Variants in OSBPL5 observed in about 807,000 individuals in gnomAD.
OSBPL5 encodes oxysterol binding protein like 5, also known as oxysterol-binding protein-related protein 5.
A neutral mutation model predicts 111.2 loss-of-function variants in OSBPL5; 71 were observed. That is an observed-to-expected ratio of 0.64 (90% CI 0.53 to 0.78). The LOEUF (loss-of-function observed/expected upper bound fraction) is 0.78. OSBPL5 is among the 30% of genes least tolerant of loss of function. OSBPL5 has a pLI of 0.00. For synonymous variants in OSBPL5, 549 were observed against 513.9 expected (o/e 1.07, Z -0.93); for missense variants, 1,210 against 1,189.3 (o/e 1.02, Z -0.26).
intron 7 of OSBPL5, 104 bp downstream of exon 7, chr11:3,119,443 A>T: frequency 1.7e-6 from 2 of 1,159,202 alleles, no homozygotes; most frequent in Non-Finnish European, 2.4e-6. Flanking sequence ...CCCAGACAGT[A>T]GAAGGGACTG....
At chr11:3,138,711 T>C (rs1291775762) in intron 1 of OSBPL5, among the ~76,000 whole-genome samples, 2 of 152,190 alleles carry the variant, frequency 1.3e-5, no homozygotes, top group East Asian at 1.9e-4. Context: ...CTGGCCCTCC[T>C]GGTGAGGCTC....
At chr11:3,160,517 C>G (rs934308920) in intron 1 of OSBPL5, among the ~76,000 whole-genome samples, 1 of 152,054 alleles carries the variant, frequency 6.6e-6, no homozygotes, top group Non-Finnish European at 1.5e-5. Context: ...CACAGCGGCG[C>G]GCCCTTTAGT....
intron 14 of OSBPL5, among the ~76,000 whole-genome samples, chr11:3,097,607 A>G (rs1857317423): frequency 6.6e-6 from 1 of 152,236 alleles, no homozygotes; most frequent in South Asian, 2.1e-4. Context: ...ATAATTATCG[A>G]GCACCTTCAA....
intron 7 of OSBPL5, among the ~76,000 whole-genome samples, chr11:3,116,402 CT>C (rs960238781): frequency 2.0e-5 from 3 of 152,266 alleles, no homozygotes; most frequent in African/African-American, 7.2e-5. Context: ...TTATAATCAG[CT>C]GTAAAACTCT....
At chr11:3,091,379 G>A (rs1857049919) in intron 19 of OSBPL5, among the ~76,000 whole-genome samples, 1 of 152,152 alleles carries the variant, frequency 6.6e-6, no homozygotes, top group Non-Finnish European at 1.5e-5. Context: ...GGGCAGGTGG[G>A]GTCAGAGCCA....
At chr11:3,131,805 T>TCATC (rs374435732) in intron 1 of OSBPL5, among the ~76,000 whole-genome samples, 22,948 of 91,564 alleles carry the variant, frequency 0.25, 2,493 homozygotes, top group African/African-American at 0.38. Context: ...ACCCATTCAT[T>TCATC]CATCCATCCA....
chr11:3,124,380 G>A (rs1858527033), intron 3 of OSBPL5, among the ~76,000 whole-genome samples: 1 of 152,206 alleles, frequency 6.6e-6, no homozygotes, highest in East Asian at 1.9e-4. Context: ...TCTGAGTGAC[G>A]AGGCATATGC....
intron 2 of OSBPL5, among the ~76,000 whole-genome samples, chr11:3,127,679 C>A (rs1356719858): frequency 1.3e-5 from 2 of 152,216 alleles, no homozygotes; most frequent in Non-Finnish European, 2.9e-5. Flanking sequence ...AGGGGCTTGG[C>A]CTGTGGCCGC....
intron 1 of OSBPL5, among the ~76,000 whole-genome samples, chr11:3,156,534 G>A (rs1274601763): frequency 2.6e-5 from 4 of 152,004 alleles, no homozygotes; most frequent in Admixed American, 6.6e-5. Flanking sequence ...CCAGGATGGC[G>A]GCTCTGGGGA....
At chr11:3,119,010 G>T (rs866779101) in intron 7 of OSBPL5, among the ~76,000 whole-genome samples, 11 of 146,720 alleles carry the variant, frequency 7.5e-5, no homozygotes, top group Middle Eastern at 3.6e-3. Context: ...GTGACAGGTG[G>T]TTTTTTTTTT....
Position 3,107,709 on chromosome 11 carries a change from T to C in OSBPL5, c.866+62A>G. On this transcript the variant is annotated intron_variant, in intron 8 of 21. Transcript: ENST00000263650. This position sits in a 1 kb window ranked among gnomAD's most constrained non-coding sequence, Gnocchi z 6.1. Reference sequence around the variant, plus strand: ...GTGGCTGGGGCTGTCCTCTCCCCTCTTCCTCGCCTACAAGGAGACCCCGTG... The same window carrying C: ...GTGGCTGGGGCTGTCCTCTCCCCTCCTCCTCGCCTACAAGGAGACCCCGTG... The C allele has an allele frequency of 6.3e-7, 1 of 1,582,454 alleles. No individual in the cohort carries two copies. The highest frequency in any genetic ancestry group is 1.7e-5 in the Admixed American group (1 of 59,642).
intron 6 of OSBPL5, chr11:3,119,983 C>A: frequency 2.4e-6 from 1 of 415,058 alleles, no homozygotes; most frequent in South Asian, 3.1e-5. Context: ...ATTTCCCATA[C>A]ATGACTGGGG....
At chr11:3,117,296 A>G (rs917359537) in intron 7 of OSBPL5, among the ~76,000 whole-genome samples, 1 of 152,228 alleles carries the variant, frequency 6.6e-6, no homozygotes, top group Non-Finnish European at 1.5e-5. Flanking sequence ...TGTGGTAAGT[A>G]AAGAATGTCA....
Position 3,092,873 on chromosome 11 carries a change from T to C in OSBPL5, c.2126A>G (p.Tyr709Cys), listed in dbSNP as rs575700015. 15 of 1,540,960 alleles carry C rather than the reference T, an allele frequency of 9.7e-6. No individual in the cohort carries two copies. The South Asian group carries it at 1.2e-4, about 12-fold the overall frequency. Residue 709 changes from tyrosine to cysteine, a missense_variant, in exon 18 of 22, where the codon TAC (tyrosine) becomes TGC (cysteine). Tyr to Cys is a radical substitution (Grantham distance 194, BLOSUM62 -2). Transcript: ENST00000263650. The surrounding 1 kb of genome is among the most constrained non-coding windows in gnomAD (Gnocchi z 5.4). ...DPITQEWHYRYEDHSPWDPLK... is the reference protein window; with the variant it reads ...DPITQEWHYRCEDHSPWDPLK... ...GGGCTTTGTCGGCACTCACTCCTCG[T>C]ATCGGTAGTGCCACTCCTGGGTGAT...
intron 3 of OSBPL5, among the ~76,000 whole-genome samples, chr11:3,122,703 G>C (rs1050802964): frequency 1.3e-5 from 2 of 152,222 alleles, no homozygotes; most frequent in Admixed American, 6.5e-5. Flanking sequence ...GGATGGGGCA[G>C]GGTGGTCAGG....
chr11:3,154,576 T>C lies in OSBPL5; in HGVS notation c.-22+10640A>G, dbSNP rs1236063046. On this transcript the variant is annotated intron_variant, in intron 1 of 21. Coordinates refer to ENST00000263650, the MANE Select transcript of OSBPL5 (RefSeq NM_020896.4). The surrounding 1 kb of genome is among the most constrained non-coding windows in gnomAD (Gnocchi z 4.9). ...CACTCATGGGTGCGGAAGGCTCTGA[T>C]CACATCAAAATCTTACTCCGGGCAA... is the stretch of plus-strand genomic sequence containing the variant. Among the ~76,000 whole-genome samples, 1 of 152,144 alleles carries C rather than the reference T, an allele frequency of 6.6e-6. No homozygotes were observed. The highest frequency in any genetic ancestry group is 1.5e-5 in the Non-Finnish European group (1 of 68,032).
At chr11:3,127,354 C>T (rs903589433) in intron 2 of OSBPL5, among the ~76,000 whole-genome samples, 1 of 152,232 alleles carries the variant, frequency 6.6e-6, no homozygotes, top group Non-Finnish European at 1.5e-5. Flanking sequence ...AGGCTGGGTG[C>T]GTGGACAGAC....
chr11:3,092,527 C>T lies in OSBPL5; in HGVS notation c.2164G>A (p.Ala722Thr), dbSNP rs1246912113. ...AGGATCCCGTCTTGCTCAAACTGGG[C>T]GATGTCCTTCAGGGGGTCCCAGGGG... The part of the protein sequence containing the change: ...HSPWDPLKDI[A>T]QFEQDGILRT... Residue 722 changes from alanine to threonine, a missense_variant, in exon 19 of 22, where the codon GCC becomes ACC. By Grantham distance (58) the Ala-to-Thr change is moderately conservative. Coordinates refer to ENST00000263650, the MANE Select transcript of OSBPL5 (RefSeq NM_020896.4). The surrounding 1 kb of genome is among the most constrained non-coding windows in gnomAD (Gnocchi z 5.4). The T allele has an allele frequency of 1.5e-5, 24 of 1,589,286 alleles. 1 individual carries two copies. The highest frequency in any genetic ancestry group is 6.9e-5 in the South Asian group (6 of 87,414).
chr11:3,120,632 G>A lies in OSBPL5; in HGVS notation c.403-8C>T, dbSNP rs1463104870. The A allele has an allele frequency of 6.2e-7, 1 of 1,611,276 alleles. No individual in the cohort carries two copies. Among genetic ancestry groups the A allele is most frequent in the East Asian group, 2.2e-5 (1 of 44,876 alleles). On this transcript the variant is annotated splice_polypyrimidine_tract_variant and splice_region_variant and intron_variant, in intron 5 of 21. Transcript: ENST00000263650. Reference sequence around the variant, plus strand: ...CTTCAGGGTGCCGCGGATCTGCAGGGAGGATGCTGGCGTCGATGCCCACCC... The same window carrying A: ...CTTCAGGGTGCCGCGGATCTGCAGGAAGGATGCTGGCGTCGATGCCCACCC...
Sources: allele counts gnomAD v4.1 joint callset (sites outside exome capture counted in the v4.1 genomes callset), GRCh38; gene constraint gnomAD v4.1.1; non-coding constraint Gnocchi (gnomAD v3.1); transcripts MANE v1.5; gene names NCBI Gene and HGNC (gene_info 2026-07-23, HGNC 2026-07-21).